CAMSAP2: variants seen among roughly 807,000 people sequenced by gnomAD.
CAMSAP2 encodes calmodulin regulated spectrin associated protein family member 2, also known as calmodulin-regulated spectrin-associated protein 2.
CAMSAP2 carries 26 observed loss-of-function variants against 146.1 expected under a neutral mutation model. That is an observed-to-expected ratio of 0.18 (90% CI 0.13 to 0.25). CAMSAP2 has a LOEUF of 0.25. CAMSAP2 is among the 10% of genes least tolerant of loss of function. The pLI is 1.00. For synonymous variants in CAMSAP2, 499 were observed against 596.6 expected (o/e 0.84, Z 2.38); for missense variants, 1,381 against 1,759.3 (o/e 0.78, Z 3.85).
At chr1:200,740,123 A>G (rs1212662364) in intron 1 of CAMSAP2, among the ~76,000 whole-genome samples, 157 bp downstream of exon 1, 1 of 152,190 alleles carries the variant, frequency 6.6e-6, no homozygotes. Flanking sequence ...AAGGAGAAAT[A>G]AGGAAAGCAG....
At chr1:200,756,431 C>T (rs760245406) in intron 1 of CAMSAP2, among the ~76,000 whole-genome samples, 9 of 149,234 alleles carry the variant, frequency 6.0e-5, no homozygotes, top group African/African-American at 1.2e-4. Context: ...CCAGCCTGGG[C>T]GACAGAGTGA....
chr1:200,738,940 A>AGCGGCGGCGGCG lies in CAMSAP2; in HGVS notation c.-882_-871dup, dbSNP rs537301220. ...TCCAGTGCCGCAGCCGGAAAACCGC[A>AGCGGCGGCGGCG]GCGGCGGCGGCGGCGGCTGAGGGGG... is the stretch of plus-strand genomic sequence containing the variant. On this transcript the variant is annotated 5_prime_UTR_variant, in exon 1 of 17. Transcript: ENST00000358823. Among the ~76,000 whole-genome samples the AGCGGCGGCGGCG allele has an allele frequency of 9.1e-4, 136 of 149,124 alleles. No homozygotes were observed. The highest frequency in any genetic ancestry group is 3.4e-3 in the Middle Eastern group (1 of 290).
intron 1 of CAMSAP2, among the ~76,000 whole-genome samples, chr1:200,748,094 T>G (rs1664392960): frequency 6.6e-6 from 1 of 152,122 alleles, no homozygotes; most frequent in South Asian, 2.1e-4. Context: ...TACACTCTTC[T>G]CTTGCTTTTT....
chr1:200,846,447 CATTTTTCCT>C (rs1053663530), intron 8 of CAMSAP2, among the ~76,000 whole-genome samples: 2 of 152,188 alleles, frequency 1.3e-5, no homozygotes, highest in Non-Finnish European at 2.9e-5. Flanking sequence ...CTCAGCAGCT[CATTTTTCCT>C]ATTTTTCCCA....
At chr1:200,745,849 C>G (rs1446257849) in intron 1 of CAMSAP2, among the ~76,000 whole-genome samples, 1 of 152,196 alleles carries the variant, frequency 6.6e-6, no homozygotes, top group African/African-American at 2.4e-5. Flanking sequence ...TGTCTCGTAA[C>G]AGATTTTGAA....
chr1:200,855,957 G>A, intron 14 of CAMSAP2, 53 bp from the exon 15 acceptor site: 1 of 1,206,016 alleles, frequency 8.3e-7, no homozygotes, highest in Non-Finnish European at 1.2e-6. Flanking sequence ...ATACCCTCTG[G>A]GCCCCATTTT....
In CAMSAP2 at chr1:200,849,592, G is replaced by A. The variant is rs1392001693; in HGVS notation, c.2823G>A (p.Leu941=). 3.1e-6 allele frequency: 5 copies of A among 1,614,166 alleles called. No individual in the cohort carries two copies. The East Asian group carries it at 1.1e-4, about 36-fold the overall frequency. The change falls in exon 11 of 17, where the codon CTG becomes CTA. Residue 941 remains leucine (L), a synonymous_variant. Coordinates refer to ENST00000358823, the MANE Select transcript of CAMSAP2 (RefSeq NM_203459.4). This position sits in a 1 kb window ranked among gnomAD's most constrained non-coding sequence, Gnocchi z 6.3. ...RDFKPSKQAG[L]SSAIAPFSSD... Reference sequence around the variant, plus strand: ...TTAAGCCTTCTAAGCAGGCAGGCCTGTCATCAGCCATTGCACCATTCTCCT... The same window carrying A: ...TTAAGCCTTCTAAGCAGGCAGGCCTATCATCAGCCATTGCACCATTCTCCT...
chr1:200,832,414 A>C lies in CAMSAP2; in HGVS notation c.787+73A>C. On this transcript the variant is annotated intron_variant, in intron 5 of 16. Transcript: ENST00000358823. This position sits in a 1 kb window ranked among gnomAD's most constrained non-coding sequence, Gnocchi z 4.2. ...AATATTTAAGACAGTATTATTTTGC[A>C]CTCCAGCCTAGGTGACTGAGTGGGA... The C allele has an allele frequency of 7.1e-7, 1 of 1,414,842 alleles. No homozygotes were observed. The highest frequency in any genetic ancestry group is 1.6e-5 in the South Asian group (1 of 62,964). The allele number at this position is 1,414,842 out of a possible 1,614,324, so 87.6% of individuals were successfully genotyped here. A position where few individuals can be genotyped will look rare whatever the true frequency, so the allele number is the denominator to read the frequency against.
intron 4 of CAMSAP2, among the ~76,000 whole-genome samples, chr1:200,817,953 C>A (rs2102182894): frequency 6.6e-6 from 1 of 152,334 alleles, no homozygotes; most frequent in South Asian, 2.1e-4. Context: ...GTCCTTGCCT[C>A]TTCCCTGTTA....
intron 8 of CAMSAP2, 48 bp downstream of exon 8, chr1:200,844,917 A>T (rs747935993): frequency 1.0e-6 from 1 of 981,684 alleles, no homozygotes; most frequent in South Asian, 1.6e-5. Context: ...TCTATTTACT[A>T]ATTAAATTAC....
At chr1:200,785,460 C>T in intron 2 of CAMSAP2, among the ~76,000 whole-genome samples, 1 of 148,854 alleles carries the variant, frequency 6.7e-6, no homozygotes, top group African/African-American at 2.5e-5. Flanking sequence ...CTGATCTTGG[C>T]TCACTGCAAC....
intron 13 of CAMSAP2, among the ~76,000 whole-genome samples, chr1:200,854,515 G>C (rs185040996): frequency 6.6e-6 from 1 of 151,592 alleles, no homozygotes; most frequent in East Asian, 1.9e-4. Flanking sequence ...ATTTTTTTTT[G>C]TTATTGTTTT....
At chr1:200,753,315 AAAGAT>A (rs1335417183) in intron 1 of CAMSAP2, among the ~76,000 whole-genome samples, 2 of 151,486 alleles carry the variant, frequency 1.3e-5, no homozygotes, top group Admixed American at 6.6e-5. Flanking sequence ...AAAAAAAAAA[AAAGAT>A]AGAGCACCCT....
At chr1:200,773,168 A>G (rs1665164381) in intron 2 of CAMSAP2, among the ~76,000 whole-genome samples, 1 of 152,234 alleles carries the variant, frequency 6.6e-6, no homozygotes, top group South Asian at 2.1e-4. Context: ...GTTGTCTGAT[A>G]TTACAGACCT....
At chr1:200,847,355 A>C in intron 9 of CAMSAP2, 63 bp downstream of exon 9, 1 of 1,164,122 alleles carries the variant, frequency 8.6e-7, no homozygotes, top group Non-Finnish European at 1.3e-6. Flanking sequence ...GAAATGATTG[A>C]CAGTAAATAT....
At chr1:200,745,047 C>T (rs1391093326) in intron 1 of CAMSAP2, among the ~76,000 whole-genome samples, 3 of 151,846 alleles carry the variant, frequency 2.0e-5, no homozygotes, top group East Asian at 1.9e-4. Flanking sequence ...TTCTTGTAAG[C>T]GTTTTATATG....
At chr1:200,776,654 G>T (rs1239524385) in intron 2 of CAMSAP2, among the ~76,000 whole-genome samples, 6 of 152,114 alleles carry the variant, frequency 3.9e-5, no homozygotes, top group Admixed American at 1.3e-4. Flanking sequence ...AACCTGGGAG[G>T]TGGAGGTTGC....
chr1:200,761,501 C>T (rs531073474), intron 2 of CAMSAP2, among the ~76,000 whole-genome samples: 16 of 152,124 alleles, frequency 1.1e-4, no homozygotes, highest in East Asian at 5.8e-4. Flanking sequence ...TTTGGGAGGC[C>T]GAGGCGGGCA....
At chr1:200,833,808 A>G (rs1280532580) in intron 6 of CAMSAP2, among the ~76,000 whole-genome samples, 2 of 152,298 alleles carry the variant, frequency 1.3e-5, no homozygotes, top group East Asian at 3.9e-4. Flanking sequence ...TAGTTAAATG[A>G]TATGGTATCC....
Sources: allele counts gnomAD v4.1 joint callset (sites outside exome capture counted in the v4.1 genomes callset), GRCh38; gene constraint gnomAD v4.1.1; non-coding constraint Gnocchi (gnomAD v3.1); transcripts MANE v1.5; gene names NCBI Gene and HGNC (gene_info 2026-07-23, HGNC 2026-07-21).